CORIN: variants seen among roughly 807,000 people sequenced by gnomAD.
CORIN encodes corin, serine peptidase, also known as atrial natriuretic peptide-converting enzyme.
A neutral mutation model predicts 125.3 loss-of-function variants in CORIN; 117 were observed. That is an observed-to-expected ratio of 0.93 (90% CI 0.80 to 1.09). CORIN has a LOEUF of 1.09. CORIN is among the 50% of genes least tolerant of loss of function. CORIN has a pLI of 0.00. For missense variants in CORIN, 1,253 were observed against 1,306.7 expected (o/e 0.96, Z 0.63); for synonymous variants, 450 against 466.4 (o/e 0.96, Z 0.45).
At chr4:47,759,472 G>A (rs1422263224) in intron 4 of CORIN, among the ~76,000 whole-genome samples, 1 of 152,020 alleles carries the variant, frequency 6.6e-6, no homozygotes, top group Admixed American at 6.5e-5. Context: ...TCTAATAAAG[G>A]GTTAATATCC....
In CORIN at chr4:47,838,015, T is replaced by G. The variant is rs905436138; in HGVS notation, c.-66A>C. 3.8e-6 allele frequency: 6 copies of G among 1,596,796 alleles called. No individual in the cohort carries two copies. The African/African-American group carries it at 8.1e-5, about 21-fold the overall frequency. On this transcript the variant is annotated 5_prime_UTR_variant, in exon 1 of 22. Coordinates refer to ENST00000273857, the MANE Select transcript of CORIN (RefSeq NM_006587.4). ...TGGTCGCTTTTCTCTCCTCTACGTG[T>G]CCCCCGGGGAGGCACTACGGATGAT...
chr4:47,608,974 G>A (rs1393384325), intron 19 of CORIN, among the ~76,000 whole-genome samples: 4 of 151,460 alleles, frequency 2.6e-5, no homozygotes, highest in Admixed American at 6.6e-5. Flanking sequence ...CACCCTCTCT[G>A]ACTTTGCTTA....
At chr4:47,781,706 A>G (rs1223573706) in intron 3 of CORIN, among the ~76,000 whole-genome samples, 2 of 152,236 alleles carry the variant, frequency 1.3e-5, no homozygotes, top group African/African-American at 4.8e-5. Context: ...CTGTGATCCC[A>G]GCACTTTGGG....
chr4:47,656,152 A>ATTTT (rs199763449), intron 12 of CORIN, among the ~76,000 whole-genome samples: 4 of 133,712 alleles, frequency 3.0e-5, no homozygotes, highest in African/African-American at 8.4e-5. Flanking sequence ...ACCATTTAGG[A>ATTTT]TTTTTTTTTT....
At chr4:47,741,117 TA>T (rs1329255223) in intron 5 of CORIN, among the ~76,000 whole-genome samples, 1 of 151,932 alleles carries the variant, frequency 6.6e-6, no homozygotes, top group Non-Finnish European at 1.5e-5. Flanking sequence ...TCCTCAAAGT[TA>T]AAAACTGTTG....
chr4:47,728,387 T>C (rs1197215788), intron 5 of CORIN, among the ~76,000 whole-genome samples: 1 of 152,160 alleles, frequency 6.6e-6, no homozygotes, highest in African/African-American at 2.4e-5. Flanking sequence ...AACTTAGAAC[T>C]AAGCTAATAT....
At position 47,664,624 on chromosome 4, in the gene CORIN, G is replaced by A. The variant is rs139873685; in HGVS notation, c.1589+408C>T. On this transcript the variant is annotated intron_variant, in intron 11 of 21. Coordinates refer to ENST00000273857, the MANE Select transcript of CORIN (RefSeq NM_006587.4). ...GTCCAATCTGTGAGTCTGGCACTAT[G>A]TATTCTTATGTCATATCTCTAACAA... is the stretch of plus-strand genomic sequence containing the variant. Among the ~76,000 whole-genome samples the A allele has an allele frequency of 4.7e-3, 709 of 152,286 alleles. 6 individuals carry two copies. The highest frequency in any genetic ancestry group is 0.016 in the African/African-American group (678 of 41,562).
chr4:47,680,865 C>T (rs1015220395), intron 7 of CORIN: 1 of 152,306 alleles, frequency 6.6e-6, no homozygotes, highest in Non-Finnish European at 1.5e-5. Context: ...GATCCTCCCA[C>T]CCCAGCCTCC....
intron 6 of CORIN, among the ~76,000 whole-genome samples, chr4:47,686,852 A>G (rs4558839): frequency 0.46 from 70,096 of 151,902 alleles, 18,041 homozygotes; most frequent in Non-Finnish European, 0.59. Context: ...TTTTTTTGAC[A>G]GTAGGACTAC....
intron 5 of CORIN, among the ~76,000 whole-genome samples, chr4:47,696,477 C>G (rs1726011530): frequency 6.6e-6 from 1 of 152,034 alleles, no homozygotes; most frequent in Non-Finnish European, 1.5e-5. Flanking sequence ...AAAAAAATCC[C>G]CAAATAGAGC....
At chr4:47,628,395 A>G (rs537503001) in intron 16 of CORIN, among the ~76,000 whole-genome samples, 1 of 152,062 alleles carries the variant, frequency 6.6e-6, no homozygotes, top group African/African-American at 2.4e-5. Context: ...TGAAATGGCT[A>G]CCACAATCAA....
At chr4:47,596,906 T>A (rs2109495863) in intron 21 of CORIN, among the ~76,000 whole-genome samples, 1 of 152,284 alleles carries the variant, frequency 6.6e-6, no homozygotes, top group South Asian at 2.1e-4. Context: ...ATTATATCTG[T>A]TTTGGAGATG....
At chr4:47,804,544 G>A (rs1279322318) in intron 2 of CORIN, among the ~76,000 whole-genome samples, 2 of 151,938 alleles carry the variant, frequency 1.3e-5, no homozygotes, top group African/African-American at 2.4e-5. Context: ...ATTAGATACT[G>A]TCATTTTGCA....
chr4:47,674,936 T>G (rs1254426501), intron 9 of CORIN, among the ~76,000 whole-genome samples: 1 of 152,186 alleles, frequency 6.6e-6, no homozygotes, highest in African/African-American at 2.4e-5. Context: ...CTAAGGAAAA[T>G]GCTTTCTCTA....
At chr4:47,726,183 T>G (rs1016249546) in intron 5 of CORIN, among the ~76,000 whole-genome samples, 2 of 152,010 alleles carry the variant, frequency 1.3e-5, no homozygotes, top group Non-Finnish European at 2.9e-5. Flanking sequence ...ATACAGCCAC[T>G]CTGGAAAAAC....
At chr4:47,777,492 G>A (rs752897468) in intron 3 of CORIN, among the ~76,000 whole-genome samples, 6 of 152,088 alleles carry the variant, frequency 3.9e-5, no homozygotes, top group Non-Finnish European at 4.4e-5. Flanking sequence ...TTAGCTAAGC[G>A]TGGTGGCACA....
chr4:47,733,544 T>C (rs751171055), intron 5 of CORIN, among the ~76,000 whole-genome samples: 3 of 152,140 alleles, frequency 2.0e-5, no homozygotes, highest in Non-Finnish European at 2.9e-5. Flanking sequence ...AATGAATAAA[T>C]AACTGAAGTT....
intron 11 of CORIN, among the ~76,000 whole-genome samples, chr4:47,663,609 T>C (rs952337123): frequency 1.3e-5 from 2 of 152,220 alleles, no homozygotes; most frequent in South Asian, 4.1e-4. Context: ...AAATTATAAA[T>C]TACATCTGGA....
At chr4:47,623,096 C>CTCTATA (rs771867590) in intron 19 of CORIN, among the ~76,000 whole-genome samples, 2,346 of 102,052 alleles carry the variant, frequency 0.023, 43 homozygotes, top group Non-Finnish European at 0.033. Context: ...CTCTCTCTCT[C>CTCTATA]TATATATATA....
Sources: gnomAD v4.1 joint callset for allele counts (sites outside exome capture counted in the v4.1 genomes callset) on GRCh38, gnomAD v4.1.1 for gene constraint, MANE v1.5 for transcripts, NCBI Gene and HGNC (gene_info 2026-07-23, HGNC 2026-07-21) for gene names.